Variants in DCLK3 observed in about 807,000 individuals in gnomAD.
DCLK3 encodes the protein serine/threonine-protein kinase DCLK3.
DCLK3 carries 30 observed loss-of-function variants against 46.4 expected under a neutral mutation model. The ratio of observed to expected loss-of-function variants is 0.65; its 90% confidence interval spans 0.48 to 0.88. The LOEUF (loss-of-function observed/expected upper bound fraction) is 0.88. Among genes scored for constraint, DCLK3 ranks in the 40% least tolerant of loss-of-function variants. The probability of loss-of-function intolerance (pLI) is 0.00; values close to 1 mark genes in which losing one functional copy is unlikely to be tolerated. For missense variants in DCLK3, 846 were observed against 907.1 expected, an observed-to-expected ratio of 0.93 and a Z score of 0.87; for synonymous variants, 401 against 339.2, an observed-to-expected ratio of 1.18 and a Z score of -2.00.
intron 2 of DCLK3, among the ~76,000 whole-genome samples, chr3:36,726,266 C>T (rs564135132): frequency 2.7e-4 from 41 of 152,122 alleles, no homozygotes; most frequent in African/African-American, 9.4e-4. Context: ...TACCCACACA[C>T]GTAAGGCCCT....
At position 36,764,400 on chromosome 3, in the gene DCLK3, T is replaced by TCCCGCCGCCCGCCG. The variant is rs1424241152; in HGVS notation, c.-151_-138dup. 1 of 164,946 alleles carries TCCCGCCGCCCGCCG rather than the reference T, an allele frequency of 6.1e-6. No homozygotes were observed. The highest frequency in any genetic ancestry group is 2.4e-5 in the African/African-American group (1 of 41,380). The allele number at this position is 164,946 out of a possible 1,614,324, so 10.2% of individuals were successfully genotyped here. A position where few individuals can be genotyped will look rare whatever the true frequency, so the allele number is the denominator to read the frequency against. On this transcript the variant is annotated 5_prime_UTR_variant, in exon 1 of 5. Transcript: ENST00000636136. The surrounding 1 kb of genome is among the most constrained non-coding windows in gnomAD (Gnocchi z 4.9). ...GCGCCGACTCTCCCTCTTCTCTCCC[T>TCCCGCCGCCCGCCG]CCCGCCGCCCGCCGCCCGCCTGCCA...
intron 1 of DCLK3, among the ~76,000 whole-genome samples, chr3:36,744,962 A>G (rs1441943822): frequency 1.3e-5 from 2 of 152,216 alleles, no homozygotes; most frequent in Non-Finnish European, 2.9e-5. Context: ...TATTGCCTCT[A>G]ATAGGTTTGA....
At chr3:36,761,744 A>G (rs935823085) in intron 1 of DCLK3, among the ~76,000 whole-genome samples, 1 of 151,978 alleles carries the variant, frequency 6.6e-6, no homozygotes, top group East Asian at 1.9e-4. Context: ...CAGTAACCTC[A>G]CCGTCAAGAC....
Position 36,714,526 on chromosome 3 carries a change from T to G in DCLK3, c.*802A>C, listed in dbSNP as rs1464173459. ...CCCCAGTGTAATCCATTTACTGCAT[T>G]TCTGACATATTAATGTACTAAATGG... On this transcript the variant is annotated 3_prime_UTR_variant, in exon 5 of 5. Transcript: ENST00000636136. The G allele has an allele frequency of 6.6e-6, 1 of 152,178 alleles. No homozygotes were observed. Among genetic ancestry groups the G allele is most frequent in the African/African-American group, 2.4e-5 (1 of 41,434 alleles). 9.4% of individuals were successfully genotyped at this position (152,178 alleles called of 1,614,324 possible).
At chr3:36,722,475 C>T (rs1701073543) in intron 2 of DCLK3, among the ~76,000 whole-genome samples, 1 of 152,206 alleles carries the variant, frequency 6.6e-6, no homozygotes, top group Admixed American at 6.5e-5. Flanking sequence ...ATCAAAACAT[C>T]TCATGTACCC....
At chr3:36,715,587 C>A in intron 4 of DCLK3, 66 bp from the exon 5 acceptor site, 2 of 1,488,302 alleles carry the variant, frequency 1.3e-6, no homozygotes, top group South Asian at 1.4e-5. Flanking sequence ...CTTCCCCACA[C>A]ATGAAATAAG....
Position 36,738,060 on chromosome 3 carries a change from A to G in DCLK3, c.1107T>C (p.Gly369=), listed in dbSNP as rs748533208. 4.3e-6 allele frequency: 7 copies of G among 1,613,044 alleles called. No individual in the cohort carries two copies. In the Middle Eastern group the frequency reaches 6.6e-4, roughly 152 times the overall value. Reference sequence around the variant, plus strand: ...TCCTGGGGCTGCTCCTGTGGCTGTCACCCTTCCACCCTTCCTCCCCACTTG... The same window carrying G: ...TCCTGGGGCTGCTCCTGTGGCTGTCGCCCTTCCACCCTTCCTCCCCACTTG... ...NPASGEEGWK[G]DSHRSSPRNP... The change falls in exon 2 of 5, where the codon GGT becomes GGC. Residue 369 remains glycine, a synonymous_variant. Coordinates refer to ENST00000636136, the MANE Select transcript of DCLK3 (RefSeq NM_001394672.2).
chr3:36,753,040 G>A (rs967164062), intron 1 of DCLK3, among the ~76,000 whole-genome samples: 1 of 152,120 alleles, frequency 6.6e-6, no homozygotes, highest in African/African-American at 2.4e-5. Flanking sequence ...AGAACTGTAA[G>A]AACATTTAAG....
chr3:36,749,887 G>A (rs1186118816), intron 1 of DCLK3, among the ~76,000 whole-genome samples: 3 of 152,156 alleles, frequency 2.0e-5, no homozygotes, highest in Non-Finnish European at 2.9e-5. Flanking sequence ...AGATGATACA[G>A]TTGCAAAACA....
At chr3:36,763,767 ACT>A (rs1701559270) in intron 1 of DCLK3, among the ~76,000 whole-genome samples, 2 of 152,046 alleles carry the variant, frequency 1.3e-5, no homozygotes, top group South Asian at 4.1e-4. Context: ...AATACGCTTA[ACT>A]CTAGGTGAAG....
intron 2 of DCLK3, among the ~76,000 whole-genome samples, chr3:36,726,157 G>T (rs944545803): frequency 4.6e-5 from 7 of 152,112 alleles, no homozygotes; most frequent in Non-Finnish European, 8.8e-5. Flanking sequence ...AGTAAAAGAT[G>T]CATCGGTGCC....
At chr3:36,728,070 A>G (rs894330204) in intron 2 of DCLK3, among the ~76,000 whole-genome samples, 6 of 152,196 alleles carry the variant, frequency 3.9e-5, no homozygotes, top group African/African-American at 7.2e-5. Context: ...TGAAATCTCA[A>G]AATGGAAAAG....
rs539736289 is a variant in DCLK3, at chr3:36,754,470, GAGGTGGCATCCTCTGAC to G, written c.82+9695_82+9711del. Among the ~76,000 whole-genome samples the G allele has an allele frequency of 6.6e-5, 10 of 152,316 alleles. No homozygotes were observed. The East Asian group carries it at 1.5e-3, about 23-fold the overall frequency. On this transcript the variant is annotated intron_variant, in intron 1 of 4. Transcript: ENST00000636136. ...CAGGCCTGTCTTTAACATTACTGAA[GAGGTGGCATCCTCTGAC>G]ATCATCTTTTCTTATCCAGACCGAA...
intron 2 of DCLK3, among the ~76,000 whole-genome samples, chr3:36,731,010 T>C (rs895531696): frequency 1.3e-5 from 2 of 152,014 alleles, no homozygotes; most frequent in African/African-American, 4.8e-5. Context: ...GTCCACATCA[T>C]ATAAGACCTT....
rs79435690 is a variant in DCLK3 at position 36,719,636 on chromosome 3, C to T, written c.2093-1459G>A. On this transcript the variant is annotated intron_variant, in intron 3 of 4. Transcript: ENST00000636136. ...AAGAATCTGTCCTTGGCTCTCATTC[C>T]TGGCATCACCAAGGAGCCCATTATC... Among the ~76,000 whole-genome samples the T allele has an allele frequency of 5.5e-3, 842 of 152,310 alleles. 11 individuals carry two copies. The highest frequency in any genetic ancestry group is 0.019 in the African/African-American group (803 of 41,554).
In DCLK3 at chr3:36,737,657, C is replaced by G; in HGVS notation, c.1510G>C (p.Glu504Gln). 6.2e-7 allele frequency: 1 copy of G among 1,613,844 alleles called. No individual in the cohort carries two copies. The highest frequency in any genetic ancestry group is 8.5e-7 in the Non-Finnish European group (1 of 1,179,882). The change falls in exon 2 of 5, where the codon GAG becomes CAG. Residue 504 changes from glutamate to glutamine, a missense_variant. Glu to Gln is a conservative substitution (Grantham distance 29, BLOSUM62 2). Around this residue, in one of 3 missense-constraint regions of DCLK3, gnomAD observed 553 missense variants for 543.0 expected, o/e 1.02. Coordinates refer to ENST00000636136, the MANE Select transcript of DCLK3 (RefSeq NM_001394672.2). This position sits in a 1 kb window ranked among gnomAD's most constrained non-coding sequence, Gnocchi z 4.4. ...PKTRPEENKP[E>Q]RPSGRKPRPM... ...CGTGGCTTCCGACCGCTGGGCCGCTCTGGCTTGTTCTCTTCTGGCCTCGTC... is the reference window on the plus strand; with the variant it reads ...CGTGGCTTCCGACCGCTGGGCCGCTGTGGCTTGTTCTCTTCTGGCCTCGTC...
intron 1 of DCLK3, among the ~76,000 whole-genome samples, chr3:36,749,103 C>T (rs1281303720): frequency 6.6e-6 from 1 of 152,222 alleles, no homozygotes; most frequent in Non-Finnish European, 1.5e-5. Context: ...CCCAAGAGGG[C>T]ATGGCTCCCA....
In DCLK3 at chr3:36,738,352, T is replaced by C. The variant is rs1575142508; in HGVS notation, c.815A>G (p.Glu272Gly). The C allele has an allele frequency of 1.3e-6, 2 of 1,505,082 alleles. No homozygotes were observed. The highest frequency in any genetic ancestry group is 1.8e-6 in the Non-Finnish European group (2 of 1,130,154). 93.2% of individuals were successfully genotyped at this position (1,505,082 alleles called of 1,614,324 possible). The stretch of plus-strand genomic sequence containing the variant: ...TTCCCTGGGGGGCTTGCTACTGGGT[T>C]CTGGCTCCCATTTCCCCCTCCCCCA... ...KKWGRGKWEP[E>G]PSSKPPREAT... Residue 272 changes from glutamate (E) to glycine (G), a missense_variant, in exon 2 of 5, where the codon GAA becomes GGA. Around this residue, in one of 3 missense-constraint regions of DCLK3, gnomAD observed 553 missense variants for 543.0 expected, o/e 1.02. Coordinates refer to ENST00000636136, the MANE Select transcript of DCLK3 (RefSeq NM_001394672.2).
Position 36,713,426 on chromosome 3 carries a change from T to C in DCLK3, c.*1902A>G, listed in dbSNP as rs1700937100. On this transcript the variant is annotated 3_prime_UTR_variant, in exon 5 of 5. Transcript: ENST00000636136. ...GTGTCTTTATCAAAATATGTTCTAG[T>C]AGCAACTGAATCCAGCTTCCAGCCT... 1.3e-5 allele frequency: 2 copies of C among 152,224 alleles called. No homozygotes were observed. The highest frequency in any genetic ancestry group is 1.3e-4 in the Admixed American group (2 of 15,282). The allele number at this position is 152,224 out of a possible 1,614,324, so 9.4% of individuals were successfully genotyped here. A position where few individuals can be genotyped will look rare whatever the true frequency, so the allele number is the denominator to read the frequency against.
Sources: gnomAD v4.1 joint callset for allele counts (sites outside exome capture counted in the v4.1 genomes callset) on GRCh38, gnomAD v4.1.1 for gene constraint, gnomAD v4.1.1 regional missense constraint, Gnocchi (gnomAD v3.1) non-coding constraint, MANE v1.5 for transcripts, NCBI Gene and HGNC (gene_info 2026-07-23, HGNC 2026-07-21) for gene names.